Variants in SH3RF3 observed in about 807,000 individuals in gnomAD.
SH3RF3 encodes SH3 domain containing ring finger 3, also known as E3 ubiquitin-protein ligase SH3RF3.
Under a neutral mutation model 66.3 loss-of-function variants are expected in SH3RF3, and 29 were observed. The ratio of observed to expected loss-of-function variants is 0.44; its 90% CI spans 0.33 to 0.60. SH3RF3 has a LOEUF of 0.60. SH3RF3 is among the 20% of genes least tolerant of loss of function. The pLI is 0.04. For missense variants in SH3RF3, 1,194 were observed against 1,190.9 expected (o/e 1.00, Z -0.04); for synonymous variants, 583 against 532.0 (o/e 1.10, Z -1.32).
intron 1 of SH3RF3, among the ~76,000 whole-genome samples, chr2:109,174,398 G>A (rs1677870338): frequency 6.6e-6 from 1 of 152,172 alleles, no homozygotes. Context: ...CATACCTCAT[G>A]CAGTTGGCAG....
At chr2:109,278,432 G>A (rs1295692619) in intron 1 of SH3RF3, among the ~76,000 whole-genome samples, 2 of 152,178 alleles carry the variant, frequency 1.3e-5, no homozygotes, top group East Asian at 3.9e-4. Flanking sequence ...TTGGTGTTCA[G>A]TGTTGTCTGT....
chr2:109,382,669 C>T lies in SH3RF3; in HGVS notation c.945+10988C>T, dbSNP rs191665226. On this transcript the variant is annotated intron_variant, in intron 3 of 9. Coordinates refer to ENST00000309415, the MANE Select transcript of SH3RF3 (RefSeq NM_001099289.3). ...CCTTCTGGTGCATTCTAACATCCGT[C>T]TGCCACTGAATCTTCAGAACAGCCT... is the stretch of plus-strand genomic sequence containing the variant. 8.5e-5 allele frequency among the ~76,000 whole-genome samples: 13 copies of T among 152,344 alleles called. No individual in the cohort carries two copies. In the East Asian group the frequency reaches 2.5e-3, roughly 29 times the overall value.
At chr2:109,426,186 A>G (rs988175201) in intron 5 of SH3RF3, among the ~76,000 whole-genome samples, 3 of 152,190 alleles carry the variant, frequency 2.0e-5, no homozygotes, top group African/African-American at 2.4e-5. Context: ...TGGGATTACA[A>G]TCGTGAGCCA....
At chr2:109,188,488 C>T (rs1447580125) in intron 1 of SH3RF3, among the ~76,000 whole-genome samples, 1 of 152,206 alleles carries the variant, frequency 6.6e-6, no homozygotes, top group African/African-American at 2.4e-5. Context: ...TTTGTGTTGT[C>T]CCTGGGTTTG....
intron 1 of SH3RF3, among the ~76,000 whole-genome samples, chr2:109,203,657 G>T (rs1439858772): frequency 1.3e-5 from 2 of 152,102 alleles, no homozygotes; most frequent in Non-Finnish European, 2.9e-5. Context: ...CCATGTGAGT[G>T]TCCTGGCCCT....
chr2:109,258,023 C>A (rs534210066), intron 1 of SH3RF3, among the ~76,000 whole-genome samples: 1 of 152,166 alleles, frequency 6.6e-6, no homozygotes, highest in East Asian at 1.9e-4. Flanking sequence ...TACCTGTGCA[C>A]ACATGTACAC....
At chr2:109,243,238 G>A (rs1679831045) in intron 1 of SH3RF3, among the ~76,000 whole-genome samples, 1 of 152,196 alleles carries the variant, frequency 6.6e-6, no homozygotes, top group South Asian at 2.1e-4. Context: ...TCAGTAGAGG[G>A]ACCCATCAGC....
intron 1 of SH3RF3, among the ~76,000 whole-genome samples, chr2:109,152,146 C>T (rs745360925): frequency 8.5e-5 from 13 of 152,178 alleles, no homozygotes; most frequent in Non-Finnish European, 1.5e-4. Context: ...AATTTGGTGT[C>T]TGGAATTACA....
chr2:109,248,939 T>G (rs1452385500), intron 1 of SH3RF3, among the ~76,000 whole-genome samples: 1 of 148,878 alleles, frequency 6.7e-6, no homozygotes, highest in Non-Finnish European at 1.5e-5. Context: ...CCTGTCTTGC[T>G]CTGTCACCCA....
intron 8 of SH3RF3, among the ~76,000 whole-genome samples, chr2:109,452,639 GAGA>G (rs1173638815): frequency 6.6e-6 from 1 of 152,200 alleles, no homozygotes; most frequent in Non-Finnish European, 1.5e-5. Context: ...CCTGTGTGTG[GAGA>G]AGGAAGAAGC....
chr2:109,158,605 G>T (rs779931382), intron 1 of SH3RF3, among the ~76,000 whole-genome samples: 9 of 152,196 alleles, frequency 5.9e-5, no homozygotes, highest in Non-Finnish European at 1.0e-4. Flanking sequence ...GGATGATAAG[G>T]CTTGTGTCTC....
Position 109,312,952 on chromosome 2 carries a change from C to A in SH3RF3, c.574-34722C>A, listed in dbSNP as rs899446139. Among the ~76,000 whole-genome samples, 29 of 152,166 alleles carry A rather than the reference C, an allele frequency of 1.9e-4. 1 individual carries two copies. Among genetic ancestry groups the A allele is most frequent in the Admixed American group, 1.9e-3 (29 of 15,280 alleles). ...TTATTGAAGAGCCGCCCTATGTTTTCCACAGCAGCCCTTGGATTTCACTTT... is the reference window on the plus strand; with the variant it reads ...TTATTGAAGAGCCGCCCTATGTTTTACACAGCAGCCCTTGGATTTCACTTT... On this transcript the variant is annotated intron_variant, in intron 1 of 9. Transcript: ENST00000309415.
At chr2:109,169,660 A>G (rs1440188123) in intron 1 of SH3RF3, among the ~76,000 whole-genome samples, 1 of 152,150 alleles carries the variant, frequency 6.6e-6, no homozygotes, top group Non-Finnish European at 1.5e-5. Context: ...ATTTGAACAT[A>G]GCATGTGTTT....
chr2:109,225,530 A>C (rs969300720), intron 1 of SH3RF3, among the ~76,000 whole-genome samples: 2 of 152,208 alleles, frequency 1.3e-5, no homozygotes, highest in African/African-American at 4.8e-5. Flanking sequence ...CACCATGTGG[A>C]GTTTTCTCCT....
intron 2 of SH3RF3, among the ~76,000 whole-genome samples, chr2:109,355,175 C>G (rs1028484555): frequency 7.2e-5 from 11 of 152,142 alleles, no homozygotes; most frequent in African/African-American, 2.7e-4. Context: ...AGTCTACGGG[C>G]CCACAGTGAG....
chr2:109,239,630 G>A (rs1679732966), intron 1 of SH3RF3, among the ~76,000 whole-genome samples: 1 of 152,170 alleles, frequency 6.6e-6, no homozygotes, highest in Admixed American at 6.5e-5. Flanking sequence ...CAGGATAACA[G>A]GGAGGAAAGA....
chr2:109,502,501 A>G lies in SH3RF3; in HGVS notation c.*830A>G. On this transcript the variant is annotated 3_prime_UTR_variant, in exon 10 of 10. Transcript: ENST00000309415. ...GGGGCAGAATTTTTATATTTCCCAT[A>G]TGGCTTTGGGAGAGCGCCGAGAAGC... 6.6e-6 allele frequency: 1 copy of G among 152,164 alleles called. No homozygotes were observed. Among genetic ancestry groups the G allele is most frequent in the East Asian group, 1.9e-4 (1 of 5,188 alleles). The allele number at this position is 152,164 out of a possible 1,614,324, so 9.4% of individuals were successfully genotyped here.
At chr2:109,160,958 G>T (rs1247949640) in intron 1 of SH3RF3, among the ~76,000 whole-genome samples, 2 of 152,158 alleles carry the variant, frequency 1.3e-5, no homozygotes, top group Admixed American at 6.5e-5. Flanking sequence ...TGAGAGGAGG[G>T]CGTGGCAGGG....
intron 1 of SH3RF3, among the ~76,000 whole-genome samples, chr2:109,317,472 C>T (rs1355020276): frequency 6.6e-6 from 1 of 152,066 alleles, no homozygotes; most frequent in Non-Finnish European, 1.5e-5. Flanking sequence ...CCTGCTCTTC[C>T]CCTGGGTCTG....
Sources: allele counts gnomAD v4.1 joint callset (sites outside exome capture counted in the v4.1 genomes callset), GRCh38; gene constraint gnomAD v4.1.1; transcripts MANE v1.5; gene names NCBI Gene and HGNC (gene_info 2026-07-23, HGNC 2026-07-21).